DLEC1: variants seen among roughly 807,000 people sequenced by gnomAD.
DLEC1 encodes DLEC1 cilia and flagella associated protein, also known as deleted in lung and esophageal cancer protein 1.
DLEC1 carries 146 observed loss-of-function variants against 198.1 expected under a neutral mutation model. The ratio of observed to expected loss-of-function variants is 0.74; its 90% confidence interval spans 0.64 to 0.85. The LOEUF (loss-of-function observed/expected upper bound fraction) is 0.85, where lower values mean the gene tolerates loss of function less well. Ranked by LOEUF, DLEC1 falls within the 40% of genes least tolerant of loss-of-function variation. The pLI, the probability that DLEC1 is intolerant of heterozygous loss-of-function variation, is 0.00. For missense variants in DLEC1, 2,233 were observed against 2,220.0 expected (o/e 1.01, Z -0.12); for synonymous variants, 897 against 866.8 (o/e 1.03, Z -0.61).
In DLEC1 at chr3:38,122,512, C is replaced by G. The variant is rs747580906; in HGVS notation, c.*100C>G. Reference sequence around the variant, plus strand: ...AGCACAAAGACACAGACTTGGGGACCTGGGGACCTCTGGGCAGCTCCTGGA... The same window carrying G: ...AGCACAAAGACACAGACTTGGGGACGTGGGGACCTCTGGGCAGCTCCTGGA... On this transcript the variant is annotated 3_prime_UTR_variant, in exon 37 of 37. Coordinates refer to ENST00000308059, the MANE Select transcript of DLEC1 (RefSeq NM_007335.4). The G allele has an allele frequency of 8.1e-6, 13 of 1,612,108 alleles. No homozygotes were observed.
At chr3:38,057,521 A>C (rs376057938) in intron 2 of DLEC1, among the ~76,000 whole-genome samples, 21 of 152,316 alleles carry the variant, frequency 1.4e-4, no homozygotes, top group South Asian at 4.1e-4. Flanking sequence ...TGGATCACAT[A>C]GGTGGATCTC....
chr3:38,119,857 G>A (rs775137885), intron 33 of DLEC1, among the ~76,000 whole-genome samples: 3 of 152,182 alleles, frequency 2.0e-5, no homozygotes, highest in Non-Finnish European at 2.9e-5. Flanking sequence ...GACAAAGCTT[G>A]TTAAGGCAGC....
intron 2 of DLEC1, among the ~76,000 whole-genome samples, chr3:38,048,715 G>A (rs903437305): frequency 6.6e-6 from 1 of 152,198 alleles, no homozygotes; most frequent in Non-Finnish European, 1.5e-5. Flanking sequence ...TTGTTGATGA[G>A]CCATGGTGTC....
chr3:38,087,618 A>G (rs1303676296), intron 9 of DLEC1, among the ~76,000 whole-genome samples: 2 of 152,230 alleles, frequency 1.3e-5, no homozygotes, highest in Non-Finnish European at 1.5e-5. Context: ...CACTGACACC[A>G]TCCATTAGCA....
In DLEC1 at chr3:38,120,460, T is replaced by C. The variant is rs1700389559; in HGVS notation, c.4717T>C (p.Phe1573Leu). The change falls in exon 34 of 37, where the codon TTC (phenylalanine) becomes CTC (leucine). Residue 1573 changes from phenylalanine (F) to leucine (L), a missense_variant. Physicochemically the swap from Phe to Leu is conservative, Grantham distance 22 (BLOSUM62 0). Transcript: ENST00000308059. ...CACATCTGCTCAGGTGAACGTGTCC[T>C]TCTCACTCTCCCTGGAGCTGCTCTC... is the stretch of plus-strand genomic sequence containing the variant. ...AQENMLVNVS[F>L]SLSLELLSYQ... 1 of 1,614,048 alleles carries C rather than the reference T, an allele frequency of 6.2e-7. No homozygotes were observed. The highest frequency in any genetic ancestry group is 1.3e-5 in the African/African-American group (1 of 74,922).
chr3:38,107,936 C>G (rs1186344620), intron 20 of DLEC1, among the ~76,000 whole-genome samples, 199 bp downstream of exon 20: 1 of 152,236 alleles, frequency 6.6e-6, no homozygotes, highest in Non-Finnish European at 1.5e-5. Context: ...CTTGCCCTGC[C>G]TCTAGGGAAT....
chr3:38,047,502 TA>T (rs891094011), intron 2 of DLEC1, among the ~76,000 whole-genome samples: 1 of 152,234 alleles, frequency 6.6e-6, no homozygotes, highest in Non-Finnish European at 1.5e-5. Context: ...ATAATGTTCT[TA>T]GGGGGCAATT....
intron 2 of DLEC1, among the ~76,000 whole-genome samples, chr3:38,055,504 C>T (rs1696310909): frequency 6.6e-6 from 1 of 152,014 alleles, no homozygotes; most frequent in African/African-American, 2.4e-5. Context: ...TAGAATCAGG[C>T]ATTGAAATAG....
At chr3:38,058,343 T>G (rs763185224) in intron 2 of DLEC1, among the ~76,000 whole-genome samples, 5 of 152,158 alleles carry the variant, frequency 3.3e-5, no homozygotes, top group Admixed American at 6.5e-5. Flanking sequence ...CACTTTCTGG[T>G]GCTCTAGGTT....
chr3:38,077,394 T>C (rs1697687648), intron 6 of DLEC1, among the ~76,000 whole-genome samples: 1 of 152,230 alleles, frequency 6.6e-6, no homozygotes, highest in South Asian at 2.1e-4. Context: ...GGGCTGTACC[T>C]TGTAGCATTC....
At chr3:38,059,931 C>A in intron 3 of DLEC1, 79 bp downstream of exon 3, 1 of 1,149,510 alleles carries the variant, frequency 8.7e-7, no homozygotes, top group Non-Finnish European at 1.3e-6. Context: ...CCTCTGCTGC[C>A]ATTTCCTTGC....
intron 6 of DLEC1, among the ~76,000 whole-genome samples, chr3:38,077,546 G>A (rs1379184445): frequency 6.6e-6 from 1 of 152,154 alleles, no homozygotes; most frequent in Non-Finnish European, 1.5e-5. Context: ...AGGACCGTAA[G>A]GGATATAAAG....
intron 7 of DLEC1, among the ~76,000 whole-genome samples, chr3:38,084,527 A>AGTAGTGGTGGTG (rs1698306851): frequency 6.7e-6 from 1 of 148,470 alleles, no homozygotes; most frequent in African/African-American, 2.5e-5. Context: ...TGGTAGTAGT[A>AGTAGTGGTGGTG]GTAGTGGTGG....
Position 38,097,736 on chromosome 3 carries a change from T to C in DLEC1, c.2566-8T>C. On this transcript the variant is annotated splice_polypyrimidine_tract_variant and splice_region_variant and intron_variant, in intron 17 of 36. Coordinates refer to ENST00000308059, the MANE Select transcript of DLEC1 (RefSeq NM_007335.4). ...GTGGCCCAGTGACAGGCCCTCTGGGTGTCTCAGGGGCCTGCCCTCATCATC... is the reference window on the plus strand; with the variant it reads ...GTGGCCCAGTGACAGGCCCTCTGGGCGTCTCAGGGGCCTGCCCTCATCATC... The C allele has an allele frequency of 6.2e-7, 1 of 1,613,754 alleles. No individual in the cohort carries two copies. The highest frequency in any genetic ancestry group is 8.5e-7 in the Non-Finnish European group (1 of 1,179,760).
Position 38,121,769 on chromosome 3 carries a change from A to C in DLEC1, c.5008A>C (p.Thr1670Pro). ...MNLSGCRSYW[T>P]MLMGQQEPAK... is the part of the protein sequence containing the mutation. ...CCTGAGCGGGTGCCGAAGCTACTGG[A>C]CTATGCTGATGGGTATGTCCTACCC... Residue 1670 changes from threonine (T) to proline (P), a missense_variant, in exon 35 of 37, where the codon ACT (threonine) becomes CCT (proline). Thr to Pro is a conservative substitution (Grantham distance 38). Coordinates refer to ENST00000308059, the MANE Select transcript of DLEC1 (RefSeq NM_007335.4). 1 of 1,613,928 alleles carries C rather than the reference A, an allele frequency of 6.2e-7. No individual in the cohort carries two copies. The highest frequency in any genetic ancestry group is 8.5e-7 in the Non-Finnish European group (1 of 1,179,898).
In DLEC1 at chr3:38,117,048, A is replaced by C. The variant is rs1360461195; in HGVS notation, c.4253A>C (p.His1418Pro). The C allele has an allele frequency of 1.2e-6, 2 of 1,614,120 alleles. No individual in the cohort carries two copies. Among genetic ancestry groups the C allele is most frequent in the Non-Finnish European group, 1.7e-6 (2 of 1,179,990 alleles). Residue 1418 changes from histidine (H) to proline (P), a missense_variant, in exon 30 of 37, where the codon CAC (histidine) becomes CCC (proline). Physicochemically the swap from His to Pro is moderately conservative, Grantham distance 77. Transcript: ENST00000308059. ...ATGGTGCTCAGCCCTGAGATCCTGC[A>C]CAAGGTGGAGTGTACTGGCTACGCC... ...TPMVLSPEIL[H>P]KVECTGYALG...
rs2125762119 is a variant in DLEC1 at position 38,124,021 on chromosome 3, A to T, written c.*1609A>T. 1 of 152,258 alleles carries T rather than the reference A, an allele frequency of 6.6e-6. No homozygotes were observed. The highest frequency in any genetic ancestry group is 1.9e-4 in the East Asian group (1 of 5,180). 9.4% of individuals were successfully genotyped at this position (152,258 alleles called of 1,614,324 possible). A position where few individuals can be genotyped will look rare whatever the true frequency, so the allele number is the denominator to read the frequency against. On this transcript the variant is annotated 3_prime_UTR_variant, in exon 37 of 37. Transcript: ENST00000308059. Reference sequence around the variant, plus strand: ...GTGAGATTCCATGTCAAAAAAAAAAAAAAATGTACATTTTTAAAAGGGGAT... The same window carrying T: ...GTGAGATTCCATGTCAAAAAAAAAATAAAATGTACATTTTTAAAAGGGGAT...
intron 2 of DLEC1, among the ~76,000 whole-genome samples, chr3:38,053,744 T>C (rs995858501): frequency 1.3e-5 from 2 of 152,152 alleles, no homozygotes; most frequent in African/African-American, 2.4e-5. Flanking sequence ...GCGGTTTTGT[T>C]GAATGGAAAA....
chr3:38,041,705 G>A (rs1460810552), intron 1 of DLEC1, among the ~76,000 whole-genome samples: 2 of 151,584 alleles, frequency 1.3e-5, no homozygotes, highest in Non-Finnish European at 2.9e-5. Context: ...AAAATTAGCC[G>A]GGCGTGGTGG....
Sources: gnomAD v4.1 joint callset for allele counts (sites outside exome capture counted in the v4.1 genomes callset) on GRCh38, gnomAD v4.1.1 for gene constraint, MANE v1.5 for transcripts, NCBI Gene and HGNC (gene_info 2026-07-23, HGNC 2026-07-21) for gene names.